Variants in LDLRAD4 observed in about 807,000 individuals in gnomAD.
LDLRAD4 encodes the protein low density lipoprotein receptor class A domain containing 4.
A neutral mutation model predicts 17.0 loss-of-function variants in LDLRAD4; 5 were observed. The observed-to-expected ratio is 0.29, with a 90% CI of 0.15 to 0.62. The LOEUF is 0.62. LDLRAD4 is among the 20% of genes least tolerant of loss of function. The pLI is 0.84. For missense variants in LDLRAD4, 340 were observed against 424.7 expected (o/e 0.80, Z 1.75); for synonymous variants, 168 against 171.8 (o/e 0.98, Z 0.17).
chr18:13,643,909 C>A (rs116764670), intron 5 of LDLRAD4, among the ~76,000 whole-genome samples: 1 of 151,746 alleles, frequency 6.6e-6, no homozygotes, highest in East Asian at 1.9e-4. Context: ...TGCATATATG[C>A]GTGTGTGTGT....
At position 13,394,200 on chromosome 18, in the gene LDLRAD4, G is replaced by A. The variant is rs144918418; in HGVS notation, c.40+6438G>A. On this transcript the variant is annotated intron_variant, in intron 2 of 5. Transcript: ENST00000359446. ...TATAAACCTAACCTTAATTAATAACGTTTCTGTGTGTAAATAACATATAAT... is the reference window on the plus strand; with the variant it reads ...TATAAACCTAACCTTAATTAATAACATTTCTGTGTGTAAATAACATATAAT... 8.8e-3 allele frequency among the ~76,000 whole-genome samples: 1,339 copies of A among 152,172 alleles called. 24 individuals carry two copies. Among genetic ancestry groups the A allele is most frequent in the African/African-American group, 0.03 (1,238 of 41,512 alleles).
At chr18:13,466,063 C>T (rs2092605797) in intron 3 of LDLRAD4, among the ~76,000 whole-genome samples, 1 of 152,184 alleles carries the variant, frequency 6.6e-6, no homozygotes, top group Admixed American at 6.5e-5. Context: ...ATAAATATAT[C>T]TTGAATGAAA....
chr18:13,361,511 A>G (rs754822750), intron 1 of LDLRAD4, among the ~76,000 whole-genome samples: 5 of 152,214 alleles, frequency 3.3e-5, no homozygotes, highest in Non-Finnish European at 7.3e-5. Flanking sequence ...CAGAAGGGAT[A>G]GCCAATTTCA....
chr18:13,477,336 C>T (rs964410458), intron 3 of LDLRAD4, among the ~76,000 whole-genome samples: 3 of 152,176 alleles, frequency 2.0e-5, no homozygotes, highest in African/African-American at 4.8e-5. Flanking sequence ...GGGAAATGCA[C>T]GCTCACCCGA....
At chr18:13,546,637 A>G (rs566591158) in intron 3 of LDLRAD4, among the ~76,000 whole-genome samples, 2 of 152,114 alleles carry the variant, frequency 1.3e-5, no homozygotes, top group South Asian at 4.2e-4. Context: ...TCACTGAATA[A>G]CACTGGTGGA....
At chr18:13,468,808 C>T (rs1005659021) in intron 3 of LDLRAD4, among the ~76,000 whole-genome samples, 6 of 132,036 alleles carry the variant, frequency 4.5e-5, no homozygotes, top group African/African-American at 1.5e-4. Flanking sequence ...AATGAGAAGA[C>T]ATGGACACAG....
At chr18:13,503,311 C>G (rs554632731) in intron 3 of LDLRAD4, among the ~76,000 whole-genome samples, 1 of 152,200 alleles carries the variant, frequency 6.6e-6, no homozygotes, top group Non-Finnish European at 1.5e-5. Flanking sequence ...TTCTGCGCAG[C>G]CTTTGAAAAT....
At chr18:13,523,330 C>G (rs2147695805) in intron 3 of LDLRAD4, among the ~76,000 whole-genome samples, 1 of 152,334 alleles carries the variant, frequency 6.6e-6, no homozygotes, top group South Asian at 2.1e-4. Context: ...GGACATGCAG[C>G]AGTCTCAGAC....
intron 1 of LDLRAD4, among the ~76,000 whole-genome samples, chr18:13,281,141 CT>C (rs1455091096): frequency 6.6e-6 from 1 of 152,186 alleles, no homozygotes; most frequent in African/African-American, 2.4e-5. Flanking sequence ...AATCCCAGCA[CT>C]TTGAGAGGCT....
At chr18:13,326,530 C>G (rs4606791) in intron 1 of LDLRAD4, among the ~76,000 whole-genome samples, 60,457 of 151,682 alleles carry the variant, frequency 0.4, 13,403 homozygotes, top group African/African-American at 0.61. Context: ...TCAGTTTTAA[C>G]CTAGAATCAG....
chr18:13,255,441 G>C (rs565440269), intron 1 of LDLRAD4, among the ~76,000 whole-genome samples: 1 of 152,358 alleles, frequency 6.6e-6, no homozygotes, highest in African/African-American at 2.4e-5. Context: ...TGGGTGAGCG[G>C]TTGCCTGGAG....
At chr18:13,484,475 C>T (rs1221641405) in intron 3 of LDLRAD4, among the ~76,000 whole-genome samples, 7 of 151,988 alleles carry the variant, frequency 4.6e-5, no homozygotes, top group Admixed American at 6.6e-5. Flanking sequence ...TAGCTGGGTT[C>T]GGTGGTGTGC....
At chr18:13,238,185 G>A (rs941694680) in intron 1 of LDLRAD4, among the ~76,000 whole-genome samples, 6 of 152,208 alleles carry the variant, frequency 3.9e-5, no homozygotes, top group Non-Finnish European at 7.3e-5. Flanking sequence ...AGATCACAGA[G>A]CCATCTAAGC....
chr18:13,269,839 G>T (rs975486433), intron 1 of LDLRAD4, among the ~76,000 whole-genome samples: 3 of 152,170 alleles, frequency 2.0e-5, no homozygotes, highest in African/African-American at 7.2e-5. Flanking sequence ...TATCCCCTTG[G>T]ATGTTCTGTC....
chr18:13,362,958 C>G (rs1486052674), intron 1 of LDLRAD4, among the ~76,000 whole-genome samples: 10 of 152,024 alleles, frequency 6.6e-5, no homozygotes, highest in Non-Finnish European at 1.5e-4. Flanking sequence ...ATATTTCTAA[C>G]CAGTTCTGTG....
intron 4 of LDLRAD4, among the ~76,000 whole-genome samples, chr18:13,637,086 C>G (rs1286868068): frequency 2.0e-5 from 3 of 152,230 alleles, no homozygotes; most frequent in African/African-American, 7.2e-5. Flanking sequence ...GCATGAGCCA[C>G]CGTGCCTGGC....
chr18:13,286,798 G>A (rs899625008), intron 1 of LDLRAD4, among the ~76,000 whole-genome samples: 1 of 152,132 alleles, frequency 6.6e-6, no homozygotes, highest in Non-Finnish European at 1.5e-5. Flanking sequence ...TCCCTGGCCT[G>A]GGGGACAGGG....
chr18:13,494,882 C>T (rs528076848), intron 3 of LDLRAD4, among the ~76,000 whole-genome samples: 42 of 148,552 alleles, frequency 2.8e-4, no homozygotes, highest in African/African-American at 9.7e-4. Flanking sequence ...TGTGGTCCTT[C>T]AAGGCCGCTT....
chr18:13,400,890 A>G (rs2087123859), intron 2 of LDLRAD4, among the ~76,000 whole-genome samples: 1 of 152,228 alleles, frequency 6.6e-6, no homozygotes. Flanking sequence ...CACTGGGGAC[A>G]CAGGGCTGAG....
Sources: gnomAD v4.1 joint callset for allele counts (sites outside exome capture counted in the v4.1 genomes callset) on GRCh38, gnomAD v4.1.1 for gene constraint, MANE v1.5 for transcripts, NCBI Gene and HGNC (gene_info 2026-07-23, HGNC 2026-07-21) for gene names.